Variants in FAM149A observed in about 807,000 individuals in gnomAD.
FAM149A encodes protein FAM149A.
A neutral mutation model predicts 78.2 loss-of-function variants in FAM149A; 71 were observed. The observed-to-expected ratio is 0.91, with a 90% CI of 0.75 to 1.11. The LOEUF is 1.11. Ranked by LOEUF, FAM149A falls within the 50% of genes least tolerant of loss-of-function variation. The pLI is 0.00. For synonymous variants in FAM149A, 446 were observed against 410.5 expected (o/e 1.09, Z -1.04); for missense variants, 1,036 against 971.0 (o/e 1.07, Z -0.89).
In FAM149A at chr4:186,105,426, G is replaced by A. The variant is rs1479351684; in HGVS notation, c.350G>A (p.Gly117Asp). The change falls in exon 1 of 14, where the codon GGC becomes GAC. Residue 117 changes from glycine to aspartate, a missense_variant. Gly to Asp is a moderately conservative substitution (Grantham distance 94, BLOSUM62 -1). Around this residue, in one of 3 missense-constraint regions of FAM149A, gnomAD observed 316 missense variants for 241.9 expected, o/e 1.31. Transcript: ENST00000389354. ...CAGCCCCCCACTCCCTCCGGCGGGGGCTGCTCCCCTGCTCGCCTGGTGGTC... is the reference window on the plus strand; with the variant it reads ...CAGCCCCCCACTCCCTCCGGCGGGGACTGCTCCCCTGCTCGCCTGGTGGTC... The A allele has an allele frequency of 3.3e-6, 4 of 1,204,030 alleles. No homozygotes were observed. The Admixed American group carries it at 1.0e-4, about 30-fold the overall frequency. The allele number at this position is 1,204,030 out of a possible 1,614,324, so 74.6% of individuals were successfully genotyped here.
At chr4:186,154,295 C>G (rs1240929979) in intron 5 of FAM149A, among the ~76,000 whole-genome samples, 173 bp from the exon 6 acceptor site, 1 of 152,154 alleles carries the variant, frequency 6.6e-6, no homozygotes, top group African/African-American at 2.4e-5. Context: ...TTTAATGATG[C>G]CTGTATTAAA....
chr4:186,167,207 A>G lies in FAM149A; in HGVS notation c.2163A>G (p.Ser721=). ...AGTCGGATACGCCTCGAAAAAGTTCATTGACACAAATGGAATTTGCTGCTC... is the reference window on the plus strand; with the variant it reads ...AGTCGGATACGCCTCGAAAAAGTTCGTTGACACAAATGGAATTTGCTGCTC... The change falls in exon 13 of 14, where the codon TCA becomes TCG. Residue 721 remains serine (S), a synonymous_variant. Transcript: ENST00000389354. 6.2e-7 allele frequency: 1 copy of G among 1,611,282 alleles called. No individual in the cohort carries two copies.
chr4:186,127,513 G>A (rs34266919), intron 1 of FAM149A: 87,808 of 985,362 alleles, frequency 0.089, 4,272 homozygotes, highest in Middle Eastern at 0.13. Flanking sequence ...CTGTCTAGTG[G>A]CTTTCAACGT....
intron 1 of FAM149A, chr4:186,127,007 G>A (rs2099318597): frequency 1.0e-6 from 1 of 985,384 alleles, no homozygotes; most frequent in Non-Finnish European, 1.2e-6. Flanking sequence ...TTTTGTAATG[G>A]TAGAGCTGTC....
intron 3 of FAM149A, among the ~76,000 whole-genome samples, chr4:186,150,582 G>C (rs1325773771): frequency 2.6e-5 from 1 of 38,732 alleles, no homozygotes; most frequent in Non-Finnish European, 7.1e-5. Flanking sequence ...ACCACGCCCG[G>C]CTAATTTTTT....
chr4:186,116,223 A>G (rs548972437), intron 1 of FAM149A: 124 of 143,146 alleles, frequency 8.7e-4, no homozygotes, highest in Admixed American at 2.9e-3. Context: ...GCGCTTCCCA[A>G]GTGAGGCAAT....
chr4:186,156,344 CA>C (rs1365048107), intron 7 of FAM149A, among the ~76,000 whole-genome samples, 154 bp downstream of exon 7: 2 of 151,920 alleles, frequency 1.3e-5, no homozygotes, highest in Non-Finnish European at 2.9e-5. Context: ...TTAGTCCCTT[CA>C]AAAAGGACGC....
At chr4:186,154,385 T>C in intron 5 of FAM149A, 83 bp from the exon 6 acceptor site, 1 of 1,187,126 alleles carries the variant, frequency 8.4e-7, no homozygotes, top group South Asian at 1.7e-5. Flanking sequence ...TTACAGATAA[T>C]TGAAAGATCC....
chr4:186,141,887 A>G (rs1198197868), intron 1 of FAM149A, among the ~76,000 whole-genome samples: 2 of 152,168 alleles, frequency 1.3e-5, no homozygotes, highest in Non-Finnish European at 2.9e-5. Flanking sequence ...TGTGGTTTGT[A>G]ACTAATGGAT....
At chr4:186,166,460 C>A (rs934446132) in intron 11 of FAM149A, among the ~76,000 whole-genome samples, 1 of 151,988 alleles carries the variant, frequency 6.6e-6, no homozygotes, top group Non-Finnish European at 1.5e-5. Context: ...ACCAGCCTGG[C>A]CAACATAGTG....
At chr4:186,113,318 A>G (rs1403417297) in intron 1 of FAM149A, among the ~76,000 whole-genome samples, 138 of 123,686 alleles carry the variant, frequency 1.1e-3, no homozygotes, top group African/African-American at 3.9e-3. Context: ...GGGTCTATCA[A>G]TTTTGTTGAT....
In FAM149A at chr4:186,157,592, A is replaced by C; in HGVS notation, c.1448A>C (p.Lys483Thr). ...GGGAAAAAACAGAGAGAAACATTGA[A>C]AGTGGCTGGAAACAGATTTCCGCAC... is the stretch of plus-strand genomic sequence containing the variant. The change falls in exon 8 of 14, where the codon AAA (lysine) becomes ACA (threonine). Residue 483 changes from lysine to threonine, a missense_variant. Coordinates refer to ENST00000389354, the MANE Select transcript of FAM149A (RefSeq NM_001367768.3). 1 of 1,614,208 alleles carries C rather than the reference A, an allele frequency of 6.2e-7. No individual in the cohort carries two copies. The highest frequency in any genetic ancestry group is 8.5e-7 in the Non-Finnish European group (1 of 1,179,998).
chr4:186,136,083 G>C (rs1395264588), intron 1 of FAM149A, among the ~76,000 whole-genome samples: 1 of 152,182 alleles, frequency 6.6e-6, no homozygotes, highest in Non-Finnish European at 1.5e-5. Flanking sequence ...GTACAACAGT[G>C]GTCTAGCAAT....
rs574253657 is a variant in FAM149A, at chr4:186,146,683, C to T, written c.567-2490C>T. The T allele has an allele frequency of 2.3e-5, 17 of 743,324 alleles. 2 individuals are homozygous for T. In the African/African-American group the frequency reaches 2.5e-4, roughly 11 times the overall value. The allele number at this position is 743,324 out of a possible 1,614,324, so 46.0% of individuals were successfully genotyped here. A position where few individuals can be genotyped will look rare whatever the true frequency, so the allele number is the denominator to read the frequency against. Reference sequence around the variant, plus strand: ...ACCGTCTTGAGCAGAGCAGATGCTCCGTTTGGCGGTGAAAACCATTTGGGG... The same window carrying T: ...ACCGTCTTGAGCAGAGCAGATGCTCTGTTTGGCGGTGAAAACCATTTGGGG... On this transcript the variant is annotated intron_variant, in intron 1 of 13. Coordinates refer to ENST00000389354, the MANE Select transcript of FAM149A (RefSeq NM_001367768.3).
rs139792894 is a variant in FAM149A at position 186,159,522 on chromosome 4, G to A, written c.1575+1803G>A. On this transcript the variant is annotated intron_variant, in intron 8 of 13. Coordinates refer to ENST00000389354, the MANE Select transcript of FAM149A (RefSeq NM_001367768.3). ...CATAGTGGCAAGAACAGGGGATTAG[G>A]AATCGAGAGGCCTGAGAGGAGTATT... Among the ~76,000 whole-genome samples the A allele has an allele frequency of 2.3e-3, 344 of 152,194 alleles. 4 individuals carry two copies. The highest frequency in any genetic ancestry group is 7.2e-3 in the African/African-American group (300 of 41,508).
rs1304359275 is a variant in FAM149A at position 186,144,315 on chromosome 4, A to C, written c.567-4858A>C. The C allele has an allele frequency of 6.6e-6, 1 of 152,084 alleles. No homozygotes were observed. 9.4% of individuals were successfully genotyped at this position (152,084 alleles called of 1,614,324 possible). On this transcript the variant is annotated intron_variant, in intron 1 of 13. Transcript: ENST00000389354. The surrounding 1 kb of genome is among the most constrained non-coding windows in gnomAD (Gnocchi z 4.2). ...CATGCTCGGGGTGTGCAGGAGATGC[A>C]CCGGCTTGTGTGAGCCGGTAGGGCA...
In FAM149A at chr4:186,105,053, G is replaced by A; in HGVS notation, c.-24G>A. The stretch of plus-strand genomic sequence containing the variant: ...GGTCTGAACTCTCGGGCGGCGGCGA[G>A]GACGGCGTGTCCACTGTCGAGGCAT... On this transcript the variant is annotated 5_prime_UTR_variant, in exon 1 of 14. Coordinates refer to ENST00000389354, the MANE Select transcript of FAM149A (RefSeq NM_001367768.3). The A allele has an allele frequency of 7.9e-7, 1 of 1,265,492 alleles. No individual in the cohort carries two copies. The highest frequency in any genetic ancestry group is 1.0e-6 in the Non-Finnish European group (1 of 978,410). 78.4% of individuals were successfully genotyped at this position (1,265,492 alleles called of 1,614,324 possible).
intron 13 of FAM149A, chr4:186,167,677 A>G (rs1234812136): frequency 2.6e-5 from 8 of 303,442 alleles, no homozygotes; most frequent in South Asian, 1.9e-4. Flanking sequence ...TAATTACTTT[A>G]TAACACAAGG....
intron 11 of FAM149A, among the ~76,000 whole-genome samples, chr4:186,165,675 A>G (rs1166866877): frequency 8.5e-5 from 13 of 152,228 alleles, no homozygotes; most frequent in Admixed American, 8.5e-4. Context: ...TTTGTGAAAT[A>G]AAAGCATGTC....
Sources: gnomAD v4.1 joint callset for allele counts (sites outside exome capture counted in the v4.1 genomes callset) on GRCh38, gnomAD v4.1.1 for gene constraint, gnomAD v4.1.1 regional missense constraint, Gnocchi (gnomAD v3.1) non-coding constraint, MANE v1.5 for transcripts, NCBI Gene and HGNC (gene_info 2026-07-23, HGNC 2026-07-21) for gene names.